Variants in MED13L observed in about 807,000 individuals in gnomAD.
MED13L encodes mediator complex subunit 13L, also known as mediator of RNA polymerase II transcription subunit 13-like.
MED13L carries 7 observed loss-of-function variants against 220.9 expected under a neutral mutation model. That is an observed-to-expected ratio of 0.03 (90% CI 0.02 to 0.06). MED13L has a LOEUF of 0.06. Ranked by LOEUF, MED13L falls within the 10% of genes least tolerant of loss-of-function variation. The pLI, the probability that MED13L is intolerant of heterozygous loss-of-function variation, is 1.00. For synonymous variants in MED13L, 1,011 were observed against 1,015.2 expected (o/e 1.00, Z 0.08); for missense variants, 1,965 against 2,760.5 (o/e 0.71, Z 6.46).
At chr12:116,008,270 C>T in intron 10 of MED13L, 131 bp downstream of exon 10, 1 of 1,272,652 alleles carries the variant, frequency 7.9e-7, no homozygotes, top group Non-Finnish European at 1.1e-6. Flanking sequence ...TAAACATTTT[C>T]CATATCCGGA....
intron 4 of MED13L, among the ~76,000 whole-genome samples, chr12:116,041,864 A>C (rs998376090): frequency 3.9e-5 from 6 of 152,162 alleles, no homozygotes; most frequent in Admixed American, 3.3e-4. Context: ...ACAAACAAAC[A>C]AACCATATTC....
intron 4 of MED13L, among the ~76,000 whole-genome samples, chr12:116,024,626 CT>C (rs1327768857): frequency 6.6e-6 from 1 of 152,010 alleles, no homozygotes; most frequent in Non-Finnish European, 1.5e-5. Context: ...AAGCTTTTTA[CT>C]TTGATATAAC....
chr12:115,977,654 A>G (rs914255573), intron 23 of MED13L, among the ~76,000 whole-genome samples: 1 of 152,214 alleles, frequency 6.6e-6, no homozygotes, highest in Non-Finnish European at 1.5e-5. Flanking sequence ...ATGTTATGAC[A>G]TGGATGAACC....
At chr12:116,184,345 T>A (rs2138236959) in intron 2 of MED13L, among the ~76,000 whole-genome samples, 1 of 152,320 alleles carries the variant, frequency 6.6e-6, no homozygotes, top group South Asian at 2.1e-4. Context: ...AAATAAAGTT[T>A]TTTTAAGTGC....
At chr12:116,234,204 A>G (rs1869847060) in intron 2 of MED13L, among the ~76,000 whole-genome samples, 1 of 151,100 alleles carries the variant, frequency 6.6e-6, no homozygotes, top group African/African-American at 2.4e-5. Context: ...AAGCCAGCTA[A>G]CAGGATTCTG....
intron 16 of MED13L, among the ~76,000 whole-genome samples, chr12:115,993,833 C>T (rs935998143): frequency 2.0e-5 from 3 of 152,248 alleles, no homozygotes; most frequent in South Asian, 2.1e-4. Flanking sequence ...AGCAACCCTA[C>T]GCTAGAAGCT....
rs746426523 is a variant in MED13L at position 115,980,798 on chromosome 12, C to G, written c.5316G>C (p.Thr1772=). 6.2e-7 allele frequency: 1 copy of G among 1,614,086 alleles called. No homozygotes were observed. The highest frequency in any genetic ancestry group is 8.5e-7 in the Non-Finnish European group (1 of 1,180,012). Residue 1772 remains threonine (T), a synonymous_variant, in exon 23 of 31, where the codon ACG becomes ACC. Coordinates refer to ENST00000281928, the MANE Select transcript of MED13L (RefSeq NM_015335.5). ...LPTQIHIKSL[T]GFGPAASIEM... ...CAATGCTGGCTGCAGGCCCAAATCC[C>G]GTGAGGGATTTAATGTGGATCTGTG...
chr12:116,208,476 G>T (rs1443603847), intron 2 of MED13L, among the ~76,000 whole-genome samples: 2 of 152,208 alleles, frequency 1.3e-5, no homozygotes, highest in Non-Finnish European at 2.9e-5. Context: ...TTCAAAAATA[G>T]GAACTCACAG....
intron 2 of MED13L, among the ~76,000 whole-genome samples, chr12:116,116,859 G>C (rs1018688641): frequency 6.7e-6 from 1 of 149,330 alleles, no homozygotes; most frequent in Non-Finnish European, 1.5e-5. Context: ...TTTGTGTTGT[G>C]AGAGTACATG....
chr12:116,003,181 C>T (rs939041501), intron 13 of MED13L, 79 bp from the exon 14 acceptor site: 3 of 1,254,526 alleles, frequency 2.4e-6, no homozygotes, highest in Non-Finnish European at 3.5e-6. Context: ...TAATGTATGC[C>T]TATTGGTAGA....
chr12:116,264,342 T>A (rs1472870366), intron 1 of MED13L, among the ~76,000 whole-genome samples: 2 of 152,206 alleles, frequency 1.3e-5, no homozygotes, highest in Non-Finnish European at 2.9e-5. Context: ...TCAGTTCTGA[T>A]ATGTCTAGTT....
At chr12:116,276,775 T>G (rs1308491175) in intron 1 of MED13L, 1 of 1,289,028 alleles carries the variant, frequency 7.8e-7, no homozygotes, top group Admixed American at 3.2e-5. Flanking sequence ...GGGTGGGCGT[T>G]CGAAGTGCGA....
intron 4 of MED13L, among the ~76,000 whole-genome samples, chr12:116,091,443 T>G (rs978505756): frequency 6.6e-6 from 1 of 152,186 alleles, no homozygotes; most frequent in African/African-American, 2.4e-5. Flanking sequence ...CTGGCTGAAG[T>G]GGTCTTTCAA....
chr12:116,027,803 T>C (rs1880493237), intron 4 of MED13L, among the ~76,000 whole-genome samples: 1 of 152,222 alleles, frequency 6.6e-6, no homozygotes, highest in Non-Finnish European at 1.5e-5. Context: ...AAAACCGCAC[T>C]GAGAACAGAA....
At chr12:116,069,834 G>A (rs536243853) in intron 4 of MED13L, among the ~76,000 whole-genome samples, 1 of 152,168 alleles carries the variant, frequency 6.6e-6, no homozygotes, top group Non-Finnish European at 1.5e-5. Context: ...CTACCTTCAG[G>A]CTACATGTGT....
intron 9 of MED13L, 62 bp downstream of exon 9, chr12:116,012,735 G>T: frequency 1.7e-6 from 2 of 1,151,740 alleles, no homozygotes; most frequent in Non-Finnish European, 1.3e-6. Context: ...GAGGCCAGGA[G>T]ATGAATCAAC....
At chr12:116,237,758 T>TA (rs931163110) in intron 1 of MED13L, 53 bp from the exon 2 acceptor site, 1 of 1,456,002 alleles carries the variant, frequency 6.9e-7, no homozygotes, top group African/African-American at 1.4e-5. Context: ...TACAGACCAC[T>TA]AAAAACAGTC....
chr12:116,233,675 T>G (rs1869798842), intron 2 of MED13L, among the ~76,000 whole-genome samples: 1 of 152,214 alleles, frequency 6.6e-6, no homozygotes, highest in African/African-American at 2.4e-5. Flanking sequence ...ACTTTTAATT[T>G]TTCTTAACCT....
chr12:116,161,240 A>G (rs1003141564), intron 2 of MED13L, among the ~76,000 whole-genome samples: 2 of 152,098 alleles, frequency 1.3e-5, no homozygotes, highest in African/African-American at 2.4e-5. Flanking sequence ...CTAACACACA[A>G]ACTTTGGAGA....
Sources: gnomAD v4.1 joint callset for allele counts (sites outside exome capture counted in the v4.1 genomes callset) on GRCh38, gnomAD v4.1.1 for gene constraint, MANE v1.5 for transcripts, NCBI Gene and HGNC (gene_info 2026-07-23, HGNC 2026-07-21) for gene names.